The following FRMD4A variants were observed in gnomAD, a reference collection of about 807,000 sequenced individuals.
FRMD4A encodes FERM domain-containing protein 4A.
FRMD4A carries 29 observed loss-of-function variants against 129.1 expected under a neutral mutation model. The observed-to-expected ratio is 0.22, with a 90% confidence interval of 0.17 to 0.31. The LOEUF is 0.31. Ranked by LOEUF, FRMD4A falls within the 10% of genes least tolerant of loss-of-function variation. The probability of loss-of-function intolerance (pLI) is 1.00; values close to 1 mark genes in which losing one functional copy is unlikely to be tolerated. For synonymous variants in FRMD4A, 634 were observed against 571.6 expected, an observed-to-expected ratio of 1.11 and a Z score of -1.56; for missense variants, 1,272 against 1,375.8, an observed-to-expected ratio of 0.92 and a Z score of 1.19.
chr10:13,653,087 A>T (rs927535034), intron 23 of FRMD4A: 1 of 152,190 alleles, frequency 6.6e-6, no homozygotes, highest in Non-Finnish European at 1.5e-5. Flanking sequence ...GATGATGAGG[A>T]TTGTATGAGC....
chr10:14,081,199 G>A (rs960612195), intron 2 of FRMD4A, among the ~76,000 whole-genome samples: 28 of 152,244 alleles, frequency 1.8e-4, no homozygotes, highest in African/African-American at 6.3e-4. Flanking sequence ...ACTGAGTGGC[G>A]TTTCTGATAC....
intron 2 of FRMD4A, among the ~76,000 whole-genome samples, chr10:13,877,018 T>A (rs993563491): frequency 1.3e-5 from 2 of 152,176 alleles, no homozygotes; most frequent in Non-Finnish European, 2.9e-5. Context: ...TCAATGTGGA[T>A]CTGCCCTCAG....
chr10:13,795,382 G>A (rs997675514), intron 5 of FRMD4A, among the ~76,000 whole-genome samples: 6 of 152,172 alleles, frequency 3.9e-5, no homozygotes, highest in African/African-American at 1.2e-4. Flanking sequence ...CGCATTAAGC[G>A]CAAGTTGAAA....
chr10:14,136,259 C>T lies in FRMD4A; in HGVS notation c.45+193799G>A, dbSNP rs1327470565. 1.4e-4 allele frequency among the ~76,000 whole-genome samples: 22 copies of T among 152,226 alleles called. No homozygotes were observed. The East Asian group carries it at 4.3e-3, about 29-fold the overall frequency. The stretch of plus-strand genomic sequence containing the variant: ...GAACTGCATCAGACAAACCTGCCTC[C>T]CAGTTTACTCCTAAATATGACAACT... On this transcript the variant is annotated intron_variant, in intron 2 of 24. Transcript: ENST00000357447.
intron 5 of FRMD4A, among the ~76,000 whole-genome samples, chr10:13,790,973 G>A (rs7902437): frequency 0.5 from 75,546 of 151,934 alleles, 19,390 homozygotes; most frequent in East Asian, 0.8. Context: ...TGAGGTGACA[G>A]AAGGGACTGG....
chr10:13,855,322 T>C (rs1316380521), intron 3 of FRMD4A, among the ~76,000 whole-genome samples: 1 of 152,148 alleles, frequency 6.6e-6, no homozygotes, highest in Non-Finnish European at 1.5e-5. Flanking sequence ...CCAACACTGA[T>C]GCCATAGAAG....
intron 3 of FRMD4A, among the ~76,000 whole-genome samples, chr10:13,836,406 C>A (rs2093874162): frequency 6.6e-6 from 1 of 152,148 alleles, no homozygotes; most frequent in Non-Finnish European, 1.5e-5. Context: ...ATTTTTATGT[C>A]ATTTCCTTGA....
At chr10:14,327,581 C>A (rs778508181) in intron 2 of FRMD4A, among the ~76,000 whole-genome samples, 2 of 152,192 alleles carry the variant, frequency 1.3e-5, no homozygotes, top group African/African-American at 4.8e-5. Context: ...ACTCTGTGGC[C>A]GCTTCTGTAA....
At chr10:14,009,014 C>T (rs2095671969) in intron 2 of FRMD4A, among the ~76,000 whole-genome samples, 1 of 152,180 alleles carries the variant, frequency 6.6e-6, no homozygotes, top group African/African-American at 2.4e-5. Context: ...TGTTATAGAA[C>T]ATTTATTTTT....
intron 2 of FRMD4A, among the ~76,000 whole-genome samples, chr10:13,960,156 C>T (rs985792893): frequency 6.6e-6 from 1 of 152,186 alleles, no homozygotes; most frequent in African/African-American, 2.4e-5. Context: ...ACCTGCTACC[C>T]AAGACACCAA....
chr10:13,902,010 AT>A (rs2094825161), intron 2 of FRMD4A, among the ~76,000 whole-genome samples: 1 of 152,124 alleles, frequency 6.6e-6, no homozygotes, highest in Admixed American at 6.5e-5. Flanking sequence ...AGGCTATTTA[AT>A]TTTTTGTATA....
intron 2 of FRMD4A, among the ~76,000 whole-genome samples, chr10:14,273,813 G>A (rs1418587525): frequency 6.6e-6 from 1 of 152,110 alleles, no homozygotes; most frequent in South Asian, 2.1e-4. Flanking sequence ...GATATTGAGA[G>A]CCAGGCTGTC....
At chr10:13,853,127 T>A (rs1399387853) in intron 3 of FRMD4A, among the ~76,000 whole-genome samples, 1 of 152,002 alleles carries the variant, frequency 6.6e-6, no homozygotes, top group Non-Finnish European at 1.5e-5. Context: ...GCTTGGAACT[T>A]GGAAAGGAGA....
At chr10:13,759,173 T>C (rs946308979) in intron 8 of FRMD4A, among the ~76,000 whole-genome samples, 2 of 152,214 alleles carry the variant, frequency 1.3e-5, no homozygotes, top group Admixed American at 6.5e-5. Context: ...ACCTTTTGGA[T>C]AAGGTGTCTG....
chr10:14,276,839 C>T (rs1021605285), intron 2 of FRMD4A, among the ~76,000 whole-genome samples: 5 of 152,142 alleles, frequency 3.3e-5, no homozygotes, highest in African/African-American at 9.7e-5. Flanking sequence ...GTCTAAACTT[C>T]GGGCTGGGAT....
intron 2 of FRMD4A, among the ~76,000 whole-genome samples, chr10:14,315,259 T>G (rs1846696560): frequency 6.6e-6 from 1 of 152,172 alleles, no homozygotes; most frequent in African/African-American, 2.4e-5. Flanking sequence ...CCCATAATCT[T>G]CTCAAGCTTC....
intron 5 of FRMD4A, among the ~76,000 whole-genome samples, chr10:13,783,990 C>G (rs190392209): frequency 6.6e-6 from 1 of 152,180 alleles, no homozygotes; most frequent in African/African-American, 2.4e-5. Context: ...ACCAGCCGCA[C>G]TGAAGGACTA....
At position 13,904,408 on chromosome 10, in the gene FRMD4A, G is replaced by A. The variant is rs567732998; in HGVS notation, c.46-45496C>T. On this transcript the variant is annotated intron_variant, in intron 2 of 24. Transcript: ENST00000357447. ...CCTCATTCCCCGGGAAGCCTTCCCC[G>A]AGGTTCCCCTCTCCCATGCCCTAAA... 4.7e-4 allele frequency among the ~76,000 whole-genome samples: 71 copies of A among 152,260 alleles called. 2 individuals carry two copies. The South Asian group carries it at 0.013, about 28-fold the overall frequency.
chr10:13,734,838 TTCTATTTATTTATTTATTTA>T (rs1341275844), intron 12 of FRMD4A, among the ~76,000 whole-genome samples: 2 of 141,780 alleles, frequency 1.4e-5, no homozygotes, highest in African/African-American at 5.2e-5. Flanking sequence ...CTTCTTCTTT[TTCTATTTATTTATTTATTTA>T]TTTATTTATT....
Sources: gnomAD v4.1 joint callset for allele counts (sites outside exome capture counted in the v4.1 genomes callset) on GRCh38, gnomAD v4.1.1 for gene constraint, MANE v1.5 for transcripts, NCBI Gene and HGNC (gene_info 2026-07-23, HGNC 2026-07-21) for gene names.